The following TSGA10 variants were observed in gnomAD, a reference collection of about 807,000 sequenced individuals.
The protein encoded by TSGA10 is testis specific 10, also known as testis-specific gene 10 protein.
A neutral mutation model predicts 96.6 loss-of-function variants in TSGA10; 43 were observed. That is an observed-to-expected ratio of 0.44 (90% CI 0.35 to 0.57). The LOEUF is 0.57. Ranked by LOEUF, TSGA10 falls within the 20% of genes least tolerant of loss-of-function variation. The probability of loss-of-function intolerance (pLI) is 0.01; values close to 1 mark genes in which losing one functional copy is unlikely to be tolerated. For synonymous variants in TSGA10, 229 were observed against 269.9 expected (o/e 0.85, Z 1.48); for missense variants, 703 against 834.4 (o/e 0.84, Z 1.94).
intron 20 of TSGA10, among the ~76,000 whole-genome samples, chr2:99,007,368 G>C (rs979656692): frequency 8.6e-5 from 13 of 151,866 alleles, no homozygotes; most frequent in African/African-American, 3.1e-4. Context: ...AATCCATACT[G>C]TATATAAGAG....
In TSGA10 at chr2:99,094,121, C is replaced by T. The variant is rs372961060; in HGVS notation, c.611+9846G>A. On this transcript the variant is annotated intron_variant, in intron 10 of 20. Coordinates refer to ENST00000393483, the MANE Select transcript of TSGA10 (RefSeq NM_025244.4). ...CAAATGCTTAAAGCCAACTGATCTTCGACAAAGCAAACAAAAATATGAAGT... is the reference window on the plus strand; with the variant it reads ...CAAATGCTTAAAGCCAACTGATCTTTGACAAAGCAAACAAAAATATGAAGT... Among the ~76,000 whole-genome samples the T allele has an allele frequency of 9.2e-5, 14 of 152,138 alleles. 1 individual carries two copies. In the South Asian group the frequency reaches 2.5e-3, roughly 27 times the overall value.
chr2:99,119,663 A>G (rs1390003080), intron 2 of TSGA10, among the ~76,000 whole-genome samples: 2 of 152,334 alleles, frequency 1.3e-5, no homozygotes, highest in East Asian at 3.9e-4. Context: ...TTACCCTAAC[A>G]ATCATTAATT....
Position 99,109,370 on chromosome 2 carries a change from G to C in TSGA10, c.51+19C>G. 6.2e-7 allele frequency: 1 copy of C among 1,612,492 alleles called. No individual in the cohort carries two copies. The highest frequency in any genetic ancestry group is 8.5e-7 in the Non-Finnish European group (1 of 1,178,574). On this transcript the variant is annotated intron_variant, in intron 6 of 20. Transcript: ENST00000393483. ...CTGGGCAACAAACTCCAAAATATTT[G>C]TAAGTTTATAAAACCTACCCGGGCA...
chr2:99,151,710 C>CAA (rs1262595114), intron 1 of TSGA10, among the ~76,000 whole-genome samples: 1 of 152,094 alleles, frequency 6.6e-6, no homozygotes, highest in East Asian at 1.9e-4. Context: ...GCTTTTTCCC[C>CAA]CCACATAGAA....
intron 1 of TSGA10, among the ~76,000 whole-genome samples, chr2:99,137,001 C>CAT (rs2093354155): frequency 7.7e-6 from 1 of 129,280 alleles, no homozygotes; most frequent in Non-Finnish European, 1.6e-5. Context: ...AACAGACTTC[C>CAT]TTTTTTTTTT....
intron 2 of TSGA10, among the ~76,000 whole-genome samples, chr2:99,122,721 GC>G (rs904852330): frequency 6.6e-6 from 1 of 151,320 alleles, no homozygotes; most frequent in Non-Finnish European, 1.5e-5. Flanking sequence ...AGCCCAGGAG[GC>G]CAAGGCTGCA....
rs185662920 is a variant in TSGA10 at position 99,092,988 on chromosome 2, A to T, written c.611+10979T>A. ...AGACCAATATATCTGATGAATATAG[A>T]TGCAAAAATCCTTAACAAAATACTA... On this transcript the variant is annotated intron_variant, in intron 10 of 20. Coordinates refer to ENST00000393483, the MANE Select transcript of TSGA10 (RefSeq NM_025244.4). 3.3e-5 allele frequency among the ~76,000 whole-genome samples: 5 copies of T among 152,328 alleles called. No individual in the cohort carries two copies. In the East Asian group the frequency reaches 5.8e-4, roughly 18 times the overall value.
intron 7 of TSGA10, among the ~76,000 whole-genome samples, chr2:99,108,572 A>G (rs1484001947): frequency 6.6e-6 from 1 of 152,128 alleles, no homozygotes; most frequent in Non-Finnish European, 1.5e-5. Context: ...CGGTTTCTTC[A>G]TATCTTATTC....
intron 14 of TSGA10, among the ~76,000 whole-genome samples, chr2:99,069,348 A>G (rs565864226): frequency 6.6e-6 from 1 of 152,240 alleles, no homozygotes; most frequent in East Asian, 1.9e-4. Context: ...TACTGGAGTA[A>G]ATGTAGATTT....
chr2:99,136,605 G>A lies in TSGA10; in HGVS notation c.-620-9429C>T, dbSNP rs552009037. Among the ~76,000 whole-genome samples the A allele has an allele frequency of 5.0e-4, 16 of 32,130 alleles. 5 individuals carry two copies. The East Asian group carries it at 0.04, about 80-fold the overall frequency. 21.1% of individuals were successfully genotyped at this position (32,130 alleles called of 152,430 possible). On this transcript the variant is annotated intron_variant, in intron 1 of 20. Transcript: ENST00000393483. Reference sequence around the variant, plus strand: ...GAGGTCAGGAGATCGAGACCATCCCGGCTAAAACGGTGAAACCCCGTCTCT... The same window carrying A: ...GAGGTCAGGAGATCGAGACCATCCCAGCTAAAACGGTGAAACCCCGTCTCT...
intron 10 of TSGA10, among the ~76,000 whole-genome samples, chr2:99,090,021 G>A (rs988750725): frequency 6.6e-6 from 1 of 152,098 alleles, no homozygotes; most frequent in African/African-American, 2.4e-5. Context: ...TCACTCCCCT[G>A]CCACCTCCAC....
chr2:99,131,047 A>G (rs1168028407), intron 1 of TSGA10, among the ~76,000 whole-genome samples: 3 of 152,116 alleles, frequency 2.0e-5, no homozygotes, highest in Non-Finnish European at 4.4e-5. Context: ...GCCTTGTAGT[A>G]TAGTTTGAAG....
At chr2:99,074,863 G>A (rs1318661555) in intron 12 of TSGA10, among the ~76,000 whole-genome samples, 2 of 151,900 alleles carry the variant, frequency 1.3e-5, no homozygotes, top group African/African-American at 4.8e-5. Flanking sequence ...GGAGACTGAG[G>A]CAGGGAATCA....
intron 2 of TSGA10, among the ~76,000 whole-genome samples, chr2:99,123,770 T>C (rs1295768075): frequency 6.6e-6 from 1 of 152,242 alleles, no homozygotes; most frequent in Non-Finnish European, 1.5e-5. Flanking sequence ...TTGTACTTAG[T>C]ATGTTTTTGA....
chr2:99,072,785 G>C (rs2086136393), intron 13 of TSGA10, among the ~76,000 whole-genome samples: 1 of 152,140 alleles, frequency 6.6e-6, no homozygotes, highest in Non-Finnish European at 1.5e-5. Flanking sequence ...TTGTCAACAT[G>C]ATCTGTGGTT....
At chr2:99,127,321 T>G in intron 1 of TSGA10, 145 bp from the exon 2 acceptor site, 1 of 660,564 alleles carries the variant, frequency 1.5e-6, no homozygotes, top group South Asian at 2.4e-5. Flanking sequence ...TCATCAAACT[T>G]TACCTTCTTA....
chr2:99,028,197 C>T (rs1236171520), intron 17 of TSGA10, among the ~76,000 whole-genome samples: 1 of 152,190 alleles, frequency 6.6e-6, no homozygotes, highest in African/African-American at 2.4e-5. Flanking sequence ...AACTATTAGC[C>T]TCTATTAATT....
At chr2:99,138,313 G>A (rs1032502415) in intron 1 of TSGA10, among the ~76,000 whole-genome samples, 2 of 152,126 alleles carry the variant, frequency 1.3e-5, no homozygotes, top group African/African-American at 4.8e-5. Flanking sequence ...TCAAATAAGT[G>A]ATAAGCTATT....
intron 16 of TSGA10, among the ~76,000 whole-genome samples, chr2:99,053,114 A>T (rs1046335736): frequency 3.3e-5 from 5 of 152,190 alleles, no homozygotes; most frequent in Admixed American, 3.3e-4. Context: ...TTAAAAAAAA[A>T]ATCTTACATC....
Sources: gnomAD v4.1 joint callset for allele counts (sites outside exome capture counted in the v4.1 genomes callset) on GRCh38, gnomAD v4.1.1 for gene constraint, MANE v1.5 for transcripts, NCBI Gene and HGNC (gene_info 2026-07-23, HGNC 2026-07-21) for gene names.